The following LY9 variants were observed in gnomAD, a reference collection of about 807,000 sequenced individuals.
LY9 encodes the protein lymphocyte antigen 9.
In LY9, 59 loss-of-function variants were observed where a neutral mutation model predicts 64.6. The ratio of observed to expected loss-of-function variants is 0.91; its 90% CI spans 0.74 to 1.13. The LOEUF is 1.13. Among genes scored for constraint, LY9 ranks in the 50% most tolerant of loss-of-function variants. The probability of loss-of-function intolerance (pLI) is 0.00; values close to 1 mark genes in which losing one functional copy is unlikely to be tolerated. For synonymous variants in LY9, 281 were observed against 308.5 expected (o/e 0.91, Z 0.93); for missense variants, 789 against 797.2 (o/e 0.99, Z 0.12).
chr1:160,799,237 A>G (rs115308559), intron 1 of LY9: 2,165 of 154,608 alleles, frequency 0.014, 55 homozygotes, highest in African/African-American at 0.05. Flanking sequence ...GAACATTCAT[A>G]GGCCTACTAC....
chr1:160,800,629 T>C (rs1051231263), intron 2 of LY9, among the ~76,000 whole-genome samples: 1 of 152,126 alleles, frequency 6.6e-6, no homozygotes, highest in South Asian at 2.1e-4. Flanking sequence ...AGTCTGGGCT[T>C]TTAGTGCACC....
intron 8 of LY9, 96 bp downstream of exon 8, chr1:160,823,892 C>A: frequency 9.5e-7 from 1 of 1,049,610 alleles, no homozygotes; most frequent in Non-Finnish European, 1.4e-6. Flanking sequence ...GGGGCTGGGG[C>A]CTGGAAACAG....
chr1:160,820,262 C>T (rs1358698528), intron 7 of LY9, among the ~76,000 whole-genome samples: 1 of 152,058 alleles, frequency 6.6e-6, no homozygotes, highest in Non-Finnish European at 1.5e-5. Flanking sequence ...AATGGAACTG[C>T]TCTGACAGGT....
chr1:160,805,250 C>G (rs1485010612), intron 2 of LY9, among the ~76,000 whole-genome samples: 2 of 151,284 alleles, frequency 1.3e-5, no homozygotes, highest in African/African-American at 2.4e-5. Context: ...TATAAACTTC[C>G]CTCAGCACTG....
In LY9 at chr1:160,823,755, GT is replaced by G; in HGVS notation, c.1791del (p.Gly598GlufsTer144). On this transcript the variant is annotated frameshift_variant, in exon 8 of 10. Coordinates refer to ENST00000263285, the MANE Select transcript of LY9 (RefSeq NM_002348.4). LOFTEE classifies it high-confidence loss of function. ...TPYVTEVESV[V>X]GENTMYAQVF... Reference sequence around the variant, plus strand: ...ATATGTCACGGAAGTTGAGTCTGTGGTTGGAGAGAACACCATGTATGCACAA... The same window carrying G: ...ATATGTCACGGAAGTTGAGTCTGTGGTGGAGAGAACACCATGTATGCACAA... 6.2e-7 allele frequency: 1 copy of G among 1,614,158 alleles called. No individual in the cohort carries two copies. Among genetic ancestry groups the G allele is most frequent in the Non-Finnish European group, 8.5e-7 (1 of 1,180,000 alleles).
At chr1:160,821,632 CT>C (rs1444694296) in intron 7 of LY9, among the ~76,000 whole-genome samples, 12 of 152,194 alleles carry the variant, frequency 7.9e-5, no homozygotes, top group African/African-American at 2.7e-4. Context: ...TCAATAGCCC[CT>C]AATGGCCTTT....
intron 2 of LY9, among the ~76,000 whole-genome samples, chr1:160,803,350 T>C (rs1184132357): frequency 6.6e-6 from 1 of 152,176 alleles, no homozygotes; most frequent in Non-Finnish European, 1.5e-5. Context: ...GGTATTTTGA[T>C]ACTGATTGCC....
chr1:160,803,719 A>G (rs1042843843), intron 2 of LY9, among the ~76,000 whole-genome samples: 21 of 152,292 alleles, frequency 1.4e-4, no homozygotes, highest in Admixed American at 1.4e-3. Context: ...ATAAGATCAT[A>G]TCCTCAGGCT....
At position 160,814,504 on chromosome 1, in the gene LY9, C is replaced by T; in HGVS notation, c.815C>T (p.Pro272Leu). 3 of 1,614,140 alleles carry T rather than the reference C, an allele frequency of 1.9e-6. No homozygotes were observed. The highest frequency in any genetic ancestry group is 2.5e-6 in the Non-Finnish European group (3 of 1,180,032). ...CCAGTCACCCTGCCACTTGCACTCCCAGCCTGCCGGGACACAGAGAAGGTT... is the reference window on the plus strand; with the variant it reads ...CCAGTCACCCTGCCACTTGCACTCCTAGCCTGCCGGGACACAGAGAAGGTT... ...GEPVTLPLALPACRDTEKVVW... is the reference protein window; with the variant it reads ...GEPVTLPLALLACRDTEKVVW... The change falls in exon 4 of 10, where the codon CCA becomes CTA. Residue 272 changes from proline to leucine, a missense_variant. Transcript: ENST00000263285.
chr1:160,802,679 G>A (rs1481434172), intron 2 of LY9: 7 of 981,410 alleles, frequency 7.1e-6, no homozygotes, highest in Non-Finnish European at 8.5e-6. Flanking sequence ...CAATTAAACT[G>A]CACATGGTCT....
intron 2 of LY9, among the ~76,000 whole-genome samples, chr1:160,809,512 C>A (rs1667299694): frequency 6.6e-6 from 1 of 151,836 alleles, no homozygotes. Flanking sequence ...GCTTTAAAAT[C>A]CTCAATTTTT....
chr1:160,802,189 T>C, intron 2 of LY9: 2 of 1,219,052 alleles, frequency 1.6e-6, no homozygotes, highest in Non-Finnish European at 1.0e-6. Context: ...GCCAGTGGGG[T>C]TTGTGCTTGG....
At position 160,823,726 on chromosome 1, in the gene LY9, C is replaced by T. The variant is rs757328044; in HGVS notation, c.1760C>T (p.Thr587Ile). ...PEGQADYDPV[T>I]PYVTEVESVV... ...GGCCAAGCAGACTATGATCCCGTCA[C>T]TCCATATGTCACGGAAGTTGAGTCT... Residue 587 changes from threonine (T) to isoleucine (I), a missense_variant, in exon 8 of 10, where the codon ACT becomes ATT. Coordinates refer to ENST00000263285, the MANE Select transcript of LY9 (RefSeq NM_002348.4). 1.9e-6 allele frequency: 3 copies of T among 1,614,176 alleles called. No individual in the cohort carries two copies. The highest frequency in any genetic ancestry group is 1.1e-5 in the South Asian group (1 of 91,078).
chr1:160,809,189 A>C (rs1382066367), intron 2 of LY9, among the ~76,000 whole-genome samples: 1 of 133,746 alleles, frequency 7.5e-6, no homozygotes. Flanking sequence ...TGGTATATGC[A>C]TTCTTTTTTT....
At chr1:160,816,486 C>T (rs529171231) in intron 4 of LY9, 108 bp from the exon 5 acceptor site, 28 of 1,299,374 alleles carry the variant, frequency 2.2e-5, no homozygotes, top group South Asian at 3.1e-5. Flanking sequence ...GGCACTTTGC[C>T]GGCAGTATCA....
chr1:160,814,472 G>T lies in LY9; in HGVS notation c.783G>T (p.Leu261=), dbSNP rs759934307. The T allele has an allele frequency of 6.2e-7, 1 of 1,614,048 alleles. No homozygotes were observed. Among genetic ancestry groups the T allele is most frequent in the South Asian group, 1.1e-5 (1 of 91,068 alleles). The change falls in exon 4 of 10, where the codon CTG becomes CTT. Residue 261 remains leucine (L), a synonymous_variant. Transcript: ENST00000263285. The part of the protein sequence containing the change: ...GTTGETVVGV[L]GEPVTLPLAL... ...CGGGGGAGACTGTGGTAGGGGTCCTGGGAGAGCCAGTCACCCTGCCACTTG... is the reference window on the plus strand; with the variant it reads ...CGGGGGAGACTGTGGTAGGGGTCCTTGGAGAGCCAGTCACCCTGCCACTTG...
chr1:160,819,032 A>G (rs947757498), intron 6 of LY9, among the ~76,000 whole-genome samples: 2 of 152,178 alleles, frequency 1.3e-5, no homozygotes. Context: ...TGGAAGAATT[A>G]CTGAATTGCA....
chr1:160,799,967 T>C lies in LY9; in HGVS notation c.339T>C (p.Ser113=). The change falls in exon 2 of 10, where the codon AGT becomes AGC. Residue 113 remains serine (S), a synonymous_variant. Transcript: ENST00000263285. ...GCCGACTAGACATCACCAAGTGGAGTTACTCCCTGTGCATCAGCAATCTGA... is the reference window on the plus strand; with the variant it reads ...GCCGACTAGACATCACCAAGTGGAGCTACTCCCTGTGCATCAGCAATCTGA... The part of the protein sequence containing the change: ...YLGRLDITKW[S]YSLCISNLTL... The C allele has an allele frequency of 2.5e-6, 4 of 1,613,990 alleles. No individual in the cohort carries two copies. Among genetic ancestry groups the C allele is most frequent in the Non-Finnish European group, 3.4e-6 (4 of 1,179,956 alleles).
At chr1:160,804,263 C>T (rs958567471) in intron 2 of LY9, among the ~76,000 whole-genome samples, 6 of 152,094 alleles carry the variant, frequency 3.9e-5, no homozygotes, top group African/African-American at 7.2e-5. Flanking sequence ...AGGTATATTC[C>T]TTCTATGCCT....
Sources: gnomAD v4.1 joint callset for allele counts (sites outside exome capture counted in the v4.1 genomes callset) on GRCh38, gnomAD v4.1.1 for gene constraint, MANE v1.5 for transcripts, NCBI Gene and HGNC (gene_info 2026-07-23, HGNC 2026-07-21) for gene names.